Variants in PPEF1 observed in about 807,000 individuals in gnomAD.
The protein encoded by PPEF1 is serine/threonine-protein phosphatase with EF-hands 1.
A neutral mutation model predicts 53.3 loss-of-function variants in PPEF1; 12 were observed. That is an observed-to-expected ratio of 0.23 (90% CI 0.14 to 0.36). The LOEUF is 0.36. Among genes scored for constraint, PPEF1 ranks in the 10% least tolerant of loss-of-function variants. The pLI, the probability that PPEF1 is intolerant of heterozygous loss-of-function variation, is 1.00. For synonymous variants in PPEF1, 165 were observed against 176.7 expected, an observed-to-expected ratio of 0.93 and a Z score of 0.52; for missense variants, 334 against 490.4, an observed-to-expected ratio of 0.68 and a Z score of 3.01.
chrX:18,821,758 CGAGAGAGAGA>C (rs754652406), intron 13 of PPEF1, among the ~76,000 whole-genome samples: 741 of 28,644 alleles, frequency 0.026, 8 homozygotes, highest in African/African-American at 0.099. Flanking sequence ...GAAACCATGG[CGAGAGAGAGA>C]GAGAGAGAGA....
chrX:18,702,410 A>G (rs1234992200), intron 6 of PPEF1, among the ~76,000 whole-genome samples: 3 of 107,445 alleles, frequency 2.8e-5, no homozygotes, highest in Non-Finnish European at 5.7e-5. Flanking sequence ...ATCTCTAGGA[A>G]AAGCTGAATT....
At chrX:18,813,300 AC>A (rs1163555245) in intron 12 of PPEF1, among the ~76,000 whole-genome samples, 1 of 100,301 alleles carries the variant, frequency 1.0e-5, no homozygotes, top group Non-Finnish European at 2.0e-5. Flanking sequence ...AATGGCTTGA[AC>A]CCGGGAGGCG....
At chrX:18,677,044 T>C (rs1928702792) in intron 1 of PPEF1, among the ~76,000 whole-genome samples, 1 of 107,475 alleles carries the variant, frequency 9.3e-6, no homozygotes, top group South Asian at 4.2e-4. Flanking sequence ...TCTTTTTTTT[T>C]TTTTTTTTTT....
At chrX:18,678,245 A>C (rs1928751398), upstream of PPEF1, among the ~76,000 whole-genome samples, 1 of 109,767 alleles carries the variant, frequency 9.1e-6, no homozygotes. Context: ...AGGCTGGCCA[A>C]CATGGCAAAA....
chrX:18,825,628 C>A lies in PPEF1; in HGVS notation c.1666-123C>A, dbSNP rs1023263001. The A allele has an allele frequency of 5.6e-5, 24 of 426,499 alleles. No homozygotes were observed. In the Admixed American group the frequency reaches 1.2e-3, roughly 22 times the overall value. The allele number at this position is 426,499 out of a possible 1,213,427, so 35.1% of individuals were successfully genotyped here. On this transcript the variant is annotated intron_variant, in intron 14 of 15. Coordinates refer to ENST00000470157, the MANE Select transcript of PPEF1 (RefSeq NM_001377996.1). ...GCCTCCAAGGGAAGTCTGGCCTTCT[C>A]AGATTTCTGTCTAAATCACATCATT...
At chrX:18,690,239 G>A (rs1196105755) in intron 3 of PPEF1, among the ~76,000 whole-genome samples, 1 of 111,053 alleles carries the variant, frequency 9.0e-6, no homozygotes, top group African/African-American at 3.3e-5. Flanking sequence ...CCAGGAATAA[G>A]TGCACAAAAG....
intron 3 of PPEF1, among the ~76,000 whole-genome samples, chrX:18,745,117 T>A (rs913102251): frequency 1.0e-5 from 1 of 95,955 alleles, no homozygotes; most frequent in East Asian, 3.0e-4. Context: ...ATAATTATAT[T>A]ATATATATTA....
chrX:18,776,111 A>T (rs2147565465), intron 6 of PPEF1, among the ~76,000 whole-genome samples: 1 of 112,432 alleles, frequency 8.9e-6, no homozygotes, highest in Non-Finnish European at 1.9e-5. Context: ...ATAGCCTTCA[A>T]CAGTCCTCAG....
At chrX:18,752,423 A>G (rs1473183791) in intron 4 of PPEF1, among the ~76,000 whole-genome samples, 1 of 110,688 alleles carries the variant, frequency 9.0e-6, no homozygotes. Context: ...TATTCTATAT[A>G]CCAGATCATG....
intron 1 of PPEF1, among the ~76,000 whole-genome samples, chrX:18,714,325 G>A (rs749530894): frequency 1.1e-3 from 112 of 99,454 alleles, no homozygotes; most frequent in Non-Finnish European, 2.0e-3. Flanking sequence ...GGGCTGGAGC[G>A]CAGTGGCGTG....
At chrX:18,692,360 C>T (rs1420449950) in intron 4 of PPEF1, among the ~76,000 whole-genome samples, 4 of 112,158 alleles carry the variant, frequency 3.6e-5, no homozygotes, top group Non-Finnish European at 7.5e-5. Flanking sequence ...AAGGCAGAAA[C>T]CATGTCTATC....
At chrX:18,761,292 C>T (rs941810736) in intron 5 of PPEF1, among the ~76,000 whole-genome samples, 5 of 111,532 alleles carry the variant, frequency 4.5e-5, no homozygotes, top group Non-Finnish European at 7.5e-5. Context: ...CCAGAGTGAT[C>T]GAAGCCCTGT....
chrX:18,713,097 TTGTC>T (rs1426024775), intron 1 of PPEF1, among the ~76,000 whole-genome samples: 8 of 111,778 alleles, frequency 7.2e-5, no homozygotes, highest in Non-Finnish European at 1.3e-4. Flanking sequence ...TGTGATATCT[TTGTC>T]TGATTTAACT....
At chrX:18,814,971 T>G (rs2046875909) in intron 12 of PPEF1, among the ~76,000 whole-genome samples, 1 of 112,053 alleles carries the variant, frequency 8.9e-6, no homozygotes, top group African/African-American at 3.2e-5. Flanking sequence ...TTTTACAGTT[T>G]GAGGTCTTAC....
At chrX:18,710,128 G>A (rs1317641918) in intron 1 of PPEF1, among the ~76,000 whole-genome samples, 1 of 111,939 alleles carries the variant, frequency 8.9e-6, no homozygotes, top group Non-Finnish European at 1.9e-5. Context: ...ATCTTTTCAT[G>A]TGTTTATTGG....
rs766068453 is a variant in PPEF1, at chrX:18,774,097, A to AT, written c.559-4904dup. On this transcript the variant is annotated intron_variant, in intron 6 of 15. Transcript: ENST00000470157. ...TTGAGGACTTTTATTTTTTATTTTT[A>AT]TTTTTTTTTGAGACGGAGTTTCACT... Among the ~76,000 whole-genome samples the AT allele has an allele frequency of 4.6e-3, 500 of 107,808 alleles. 1 individual carries two copies. The highest frequency in any genetic ancestry group is 9.5e-3 in the Middle Eastern group (2 of 210). 93.6% of individuals were successfully genotyped at this position (107,808 alleles called of 115,157 possible).
At chrX:18,825,235 G>GT (rs1195877714) in intron 14 of PPEF1, among the ~76,000 whole-genome samples, 2 of 111,234 alleles carry the variant, frequency 1.8e-5, no homozygotes, top group Admixed American at 9.6e-5. Context: ...AAGATGAGAC[G>GT]TTAAGAGCAG....
At chrX:18,763,123 A>C (rs1298686045) in intron 6 of PPEF1, among the ~76,000 whole-genome samples, 3 of 111,817 alleles carry the variant, frequency 2.7e-5, no homozygotes, top group African/African-American at 9.8e-5. Flanking sequence ...CTTTTCATCT[A>C]TAACTAAGGT....
chrX:18,736,577 G>A (rs1280323515), intron 3 of PPEF1, among the ~76,000 whole-genome samples: 2 of 111,508 alleles, frequency 1.8e-5, no homozygotes, highest in African/African-American at 6.5e-5. Context: ...CAGGGATATT[G>A]GTCTAAAATT....
Sources: allele counts gnomAD v4.1 joint callset (sites outside exome capture counted in the v4.1 genomes callset), GRCh38; gene constraint gnomAD v4.1.1; transcripts MANE v1.5; gene names NCBI Gene and HGNC (gene_info 2026-07-23, HGNC 2026-07-21).